Variants in MTAP observed in about 807,000 individuals in gnomAD.
MTAP encodes the protein S-methyl-5'-thioadenosine phosphorylase.
In MTAP, 33 loss-of-function variants were observed where a neutral mutation model predicts 33.6. The ratio of observed to expected loss-of-function variants is 0.98; its 90% CI spans 0.74 to 1.31. MTAP has a LOEUF of 1.31. MTAP is among the 40% of genes most tolerant of loss of function. The pLI, the probability that MTAP is intolerant of heterozygous loss-of-function variation, is 0.00. For synonymous variants in MTAP, 148 were observed against 125.7 expected (o/e 1.18, Z -1.19); for missense variants, 367 against 360.0 (o/e 1.02, Z -0.16).
chr9:21,930,093 A>C, intron 1 of MTAP: 1 of 469,974 alleles, frequency 2.1e-6, no homozygotes, highest in Non-Finnish European at 4.2e-6. Flanking sequence ...GATGATTATA[A>C]CCAATGTCTG....
chr9:21,861,556 C>T (rs1825753539), intron 7 of MTAP: 4 of 164,152 alleles, frequency 2.4e-5, no homozygotes, highest in Admixed American at 2.4e-4. Context: ...TGCTATACGT[C>T]AAGGTCTGGT....
At chr9:21,895,356 A>G (rs1396644026) in intron 1 of MTAP, among the ~76,000 whole-genome samples, 2 of 152,232 alleles carry the variant, frequency 1.3e-5, no homozygotes, top group Non-Finnish European at 2.9e-5. Context: ...AACTGCCCCA[A>G]GGTTCCAAGA....
chr9:21,913,935 A>T (rs1436875205), intron 1 of MTAP, among the ~76,000 whole-genome samples: 2 of 152,212 alleles, frequency 1.3e-5, no homozygotes, highest in Non-Finnish European at 2.9e-5. Context: ...AATTTACAAG[A>T]AAAAATCGAA....
At chr9:21,888,013 A>T (rs1818142000) in intron 1 of MTAP, among the ~76,000 whole-genome samples, 2 of 152,148 alleles carry the variant, frequency 1.3e-5, no homozygotes, top group Non-Finnish European at 2.9e-5. Context: ...AATTTGTCAG[A>T]TCTAGGAGCT....
chr9:21,894,268 C>T (rs965574704), intron 1 of MTAP, among the ~76,000 whole-genome samples: 1 of 149,372 alleles, frequency 6.7e-6, no homozygotes, highest in African/African-American at 2.5e-5. Flanking sequence ...ATAATAAGAG[C>T]CATCTTTGAC....
rs562736452 is a variant in MTAP, at chr9:21,865,034, A to T, written c.*3020A>T. The T allele has an allele frequency of 1.0e-6, 1 of 985,492 alleles. No homozygotes were observed. The highest frequency in any genetic ancestry group is 1.2e-6 in the Non-Finnish European group (1 of 829,940). 61.0% of individuals were successfully genotyped at this position (985,492 alleles called of 1,614,324 possible). ...GTATCTGATGGGTTAGGAAGTCACG[A>T]AATGAGGAGTTCTTGCCACATTTGC... On this transcript the variant is annotated 3_prime_UTR_variant, in exon 8 of 8. Transcript: ENST00000644715.
chr9:21,908,950 T>C (rs1256952297), intron 1 of MTAP, among the ~76,000 whole-genome samples: 1 of 152,054 alleles, frequency 6.6e-6, no homozygotes, highest in African/African-American at 2.4e-5. Flanking sequence ...AACTATTTCC[T>C]GCCCATATAT....
chr9:21,912,785 C>T (rs1427122019), intron 1 of MTAP, among the ~76,000 whole-genome samples: 1 of 152,132 alleles, frequency 6.6e-6, no homozygotes, highest in South Asian at 2.1e-4. Context: ...CTGGCCAGGG[C>T]AATCAGGCAG....
chr9:21,853,273 G>A (rs770562255), intron 5 of MTAP, among the ~76,000 whole-genome samples: 1 of 152,048 alleles, frequency 6.6e-6, no homozygotes, highest in South Asian at 2.1e-4. Context: ...GCGGGAGTGG[G>A]CTTGTTATGT....
At chr9:21,874,562 G>T (rs1257467320) in intron 1 of MTAP, among the ~76,000 whole-genome samples, 2 of 151,946 alleles carry the variant, frequency 1.3e-5, no homozygotes, top group East Asian at 3.9e-4. Context: ...TTGATTGGTT[G>T]TTTTAAAATA....
Position 21,865,182 on chromosome 9 carries a change from G to T in MTAP, c.*3168G>T, listed in dbSNP as rs1417586177. Reference sequence around the variant, plus strand: ...GGGAGGTAATTAAATCATGGGGGTGGTTACCCCCACACTGCTGTTCTCATG... The same window carrying T: ...GGGAGGTAATTAAATCATGGGGGTGTTTACCCCCACACTGCTGTTCTCATG... On this transcript the variant is annotated 3_prime_UTR_variant, in exon 8 of 8. Coordinates refer to ENST00000644715, the MANE Select transcript of MTAP (RefSeq NM_002451.4). 5.5e-6 allele frequency: 4 copies of T among 729,712 alleles called. No homozygotes were observed. Among genetic ancestry groups the T allele is most frequent in the Non-Finnish European group, 6.7e-6 (4 of 596,518 alleles). 45.2% of individuals were successfully genotyped at this position (729,712 alleles called of 1,614,324 possible).
chr9:21,908,395 C>T (rs992379062), intron 1 of MTAP, among the ~76,000 whole-genome samples: 2 of 151,994 alleles, frequency 1.3e-5, no homozygotes, highest in African/African-American at 4.8e-5. Context: ...TTTTTGATTA[C>T]GGTAAGTAAA....
chr9:21,886,200 ATAAT>A (rs1818108633), intron 1 of MTAP, among the ~76,000 whole-genome samples: 1 of 151,224 alleles, frequency 6.6e-6, no homozygotes, highest in South Asian at 2.1e-4. Flanking sequence ...CATTTCCCTG[ATAAT>A]TAACAATATT....
At chr9:21,830,791 A>G (rs1452182169) in intron 4 of MTAP, among the ~76,000 whole-genome samples, 3 of 152,222 alleles carry the variant, frequency 2.0e-5, no homozygotes, top group African/African-American at 7.2e-5. Flanking sequence ...TGAGACTTAG[A>G]GAAATGTAGA....
At chr9:21,825,560 T>C (rs1409734869) in intron 4 of MTAP, among the ~76,000 whole-genome samples, 1 of 152,198 alleles carries the variant, frequency 6.6e-6, no homozygotes, top group Non-Finnish European at 1.5e-5. Context: ...CATTGTGGCC[T>C]GGCACAGTGG....
At chr9:21,817,254 G>A (rs1340333759) in intron 3 of MTAP, among the ~76,000 whole-genome samples, 1 of 152,158 alleles carries the variant, frequency 6.6e-6, no homozygotes, top group Non-Finnish European at 1.5e-5. Flanking sequence ...ATTGTTAGAA[G>A]TTAGTCAAGA....
chr9:21,918,427 G>T (rs111684941), intron 1 of MTAP, among the ~76,000 whole-genome samples: 118 of 146,972 alleles, frequency 8.0e-4, no homozygotes, highest in African/African-American at 2.8e-3. Context: ...AGGGGTTAAG[G>T]GATAAGAGAA....
At chr9:21,822,585 G>T (rs1255146466) in intron 4 of MTAP, among the ~76,000 whole-genome samples, 4 of 152,198 alleles carry the variant, frequency 2.6e-5, no homozygotes, top group Non-Finnish European at 5.9e-5. Context: ...GTGATGTGGT[G>T]CCGAGAAGAA....
chr9:21,832,770 A>G (rs1049354353), intron 4 of MTAP, among the ~76,000 whole-genome samples: 1 of 152,196 alleles, frequency 6.6e-6, no homozygotes, highest in African/African-American at 2.4e-5. Flanking sequence ...TAGGTGTCAC[A>G]ATCAGTTAAT....
Sources: gnomAD v4.1 joint callset for allele counts (sites outside exome capture counted in the v4.1 genomes callset) on GRCh38, gnomAD v4.1.1 for gene constraint, MANE v1.5 for transcripts, NCBI Gene and HGNC (gene_info 2026-07-23, HGNC 2026-07-21) for gene names.